Variants in FHIT observed in about 807,000 individuals in gnomAD.
The protein encoded by FHIT is bis(5'-adenosyl)-triphosphatase.
FHIT carries 19 observed loss-of-function variants against 17.9 expected under a neutral mutation model. The ratio of observed to expected loss-of-function variants is 1.06; its 90% CI spans 0.74 to 1.56. FHIT has a LOEUF of 1.56. Among genes scored for constraint, FHIT ranks in the 40% most tolerant of loss-of-function variants. The pLI, the probability that FHIT is intolerant of heterozygous loss-of-function variation, is 0.00. For missense variants in FHIT, 248 were observed against 189.2 expected, an observed-to-expected ratio of 1.31 and a Z score of -1.82; for synonymous variants, 81 against 69.7, an observed-to-expected ratio of 1.16 and a Z score of -0.81.
chr3:59,991,828 C>T (rs1187564447), intron 7 of FHIT, among the ~76,000 whole-genome samples: 1 of 152,004 alleles, frequency 6.6e-6, no homozygotes, highest in Non-Finnish European at 1.5e-5. Context: ...ATGCCAGTCC[C>T]TTTGCAGAGA....
intron 4 of FHIT, among the ~76,000 whole-genome samples, chr3:60,767,093 T>C (rs1408212427): frequency 6.6e-6 from 1 of 152,196 alleles, no homozygotes; most frequent in Non-Finnish European, 1.5e-5. Context: ...ACGTCTTGAA[T>C]TGAGCCTACA....
intron 5 of FHIT, among the ~76,000 whole-genome samples, chr3:60,096,124 C>A (rs1703938045): frequency 6.6e-6 from 1 of 152,208 alleles, no homozygotes; most frequent in East Asian, 1.9e-4. Flanking sequence ...AGGAGATGGC[C>A]CGCCCACTTA....
At chr3:60,851,600 T>C (rs4991695) in intron 3 of FHIT, among the ~76,000 whole-genome samples, 1 of 152,288 alleles carries the variant, frequency 6.6e-6, no homozygotes, top group African/African-American at 2.4e-5. Context: ...AAAAGTTCAA[T>C]GCACACAAGG....
chr3:60,425,985 A>G (rs537618993), intron 5 of FHIT, among the ~76,000 whole-genome samples: 2 of 152,274 alleles, frequency 1.3e-5, no homozygotes, highest in South Asian at 4.1e-4. Context: ...ATTTATGTGC[A>G]CAGCAATAAC....
intron 4 of FHIT, among the ~76,000 whole-genome samples, chr3:60,720,076 C>T (rs1379098686): frequency 2.0e-5 from 3 of 152,270 alleles, no homozygotes; most frequent in South Asian, 2.1e-4. Flanking sequence ...TTGAGGGGGT[C>T]GCTTCCCACC....
intron 5 of FHIT, among the ~76,000 whole-genome samples, chr3:60,148,503 T>C (rs1336957083): frequency 2.6e-5 from 4 of 152,200 alleles, no homozygotes; most frequent in Non-Finnish European, 5.9e-5. Flanking sequence ...TTTACAAATA[T>C]CATATATAGT....
At chr3:60,296,327 G>A (rs535131990) in intron 5 of FHIT, among the ~76,000 whole-genome samples, 11 of 151,942 alleles carry the variant, frequency 7.2e-5, no homozygotes, top group African/African-American at 1.7e-4. Flanking sequence ...CATTTTCCCC[G>A]CATCTTCACC....
intron 2 of FHIT, among the ~76,000 whole-genome samples, chr3:61,080,523 T>C (rs758221421): frequency 1.4e-4 from 22 of 152,158 alleles, no homozygotes; most frequent in Admixed American, 4.6e-4. Context: ...TAGAAATAGC[T>C]TTTGTGCTAA....
chr3:60,293,292 G>T (rs1032150901), intron 5 of FHIT, among the ~76,000 whole-genome samples: 1 of 152,034 alleles, frequency 6.6e-6, no homozygotes, highest in African/African-American at 2.4e-5. Context: ...CATAGTAATA[G>T]ATTACTCATG....
intron 4 of FHIT, among the ~76,000 whole-genome samples, chr3:60,782,317 A>C (rs544646646): frequency 6.6e-6 from 1 of 152,142 alleles, no homozygotes; most frequent in East Asian, 1.9e-4. Flanking sequence ...AAGATGAAAG[A>C]CAAGTCTTGG....
At chr3:60,059,781 C>G (rs187391837) in intron 5 of FHIT, among the ~76,000 whole-genome samples, 7 of 152,278 alleles carry the variant, frequency 4.6e-5, no homozygotes, top group African/African-American at 9.6e-5. Flanking sequence ...GAGCTCCCCC[C>G]ATTCTTGTTG....
chr3:60,948,302 A>T (rs1396758441), intron 3 of FHIT, among the ~76,000 whole-genome samples: 1 of 152,198 alleles, frequency 6.6e-6, no homozygotes, highest in African/African-American at 2.4e-5. Context: ...CAATGTTGGT[A>T]AGGTGGATTC....
intron 5 of FHIT, among the ~76,000 whole-genome samples, chr3:60,447,163 AT>A (rs2031397865): frequency 1.3e-5 from 2 of 151,968 alleles, no homozygotes; most frequent in Non-Finnish European, 2.9e-5. Flanking sequence ...TAGTTCCCTG[AT>A]TTCTGGGTCT....
intron 5 of FHIT, among the ~76,000 whole-genome samples, chr3:60,261,318 A>G (rs572705785): frequency 6.6e-6 from 1 of 152,154 alleles, no homozygotes; most frequent in African/African-American, 2.4e-5. Flanking sequence ...GAAAAGAAAA[A>G]CAAAAGACAT....
At chr3:59,923,138 T>C (rs1420652847) in intron 7 of FHIT, among the ~76,000 whole-genome samples, 1 of 136,558 alleles carries the variant, frequency 7.3e-6, no homozygotes, top group East Asian at 2.2e-4. Flanking sequence ...GGTGGGAGAA[T>C]GGCCTGAAAC....
chr3:61,139,853 C>T (rs2037025756), intron 2 of FHIT, among the ~76,000 whole-genome samples: 1 of 152,068 alleles, frequency 6.6e-6, no homozygotes, highest in Non-Finnish European at 1.5e-5. Context: ...CAGTCACCAT[C>T]ACTGAGCACA....
At chr3:60,207,465 C>G (rs986904777) in intron 5 of FHIT, among the ~76,000 whole-genome samples, 2 of 151,870 alleles carry the variant, frequency 1.3e-5, no homozygotes, top group African/African-American at 4.8e-5. Context: ...TTTTTCCAAA[C>G]CTAATCCTGT....
intron 5 of FHIT, 96 bp from the exon 6 acceptor site, chr3:60,014,248 G>T: frequency 1.6e-6 from 2 of 1,236,482 alleles, no homozygotes; most frequent in Non-Finnish European, 2.3e-6. Flanking sequence ...TCGGACCAGG[G>T]CCTGAACTCT....
intron 4 of FHIT, among the ~76,000 whole-genome samples, chr3:60,618,411 A>G (rs1029113567): frequency 5.3e-5 from 8 of 151,680 alleles, no homozygotes; most frequent in Non-Finnish European, 1.0e-4. Flanking sequence ...TCCATTAGTT[A>G]CTCTTCCTTA....
Sources: allele counts gnomAD v4.1 joint callset (sites outside exome capture counted in the v4.1 genomes callset), GRCh38; gene constraint gnomAD v4.1.1; transcripts MANE v1.5; gene names NCBI Gene and HGNC (gene_info 2026-07-23, HGNC 2026-07-21).